The following LARGE1 variants were observed in gnomAD, a reference collection of about 807,000 sequenced individuals.
The protein encoded by LARGE1 is LARGE xylosyl- and glucuronyltransferase 1, also known as xylosyl- and glucuronyltransferase LARGE1.
In LARGE1, 43 loss-of-function variants were observed where a neutral mutation model predicts 87.6. The observed-to-expected ratio is 0.49, with a 90% CI of 0.38 to 0.63. The LOEUF (loss-of-function observed/expected upper bound fraction) is 0.63. Among genes scored for constraint, LARGE1 ranks in the 30% least tolerant of loss-of-function variants. LARGE1 has a pLI of 0.00. For missense variants in LARGE1, 802 were observed against 1,000.2 expected (o/e 0.80, Z 2.67); for synonymous variants, 434 against 394.6 (o/e 1.10, Z -1.18).
intron 13 of LARGE1, among the ~76,000 whole-genome samples, chr22:33,280,980 G>A (rs1250106284): frequency 2.6e-5 from 4 of 152,182 alleles, no homozygotes; most frequent in East Asian, 1.9e-4. Context: ...TGGAGCCACC[G>A]CCCTAGAGGA....
At chr22:33,518,457 T>C (rs910045601) in intron 6 of LARGE1, among the ~76,000 whole-genome samples, 7 of 152,240 alleles carry the variant, frequency 4.6e-5, no homozygotes, top group African/African-American at 1.7e-4. Flanking sequence ...TAAAGGCACA[T>C]GCCACCATGC....
chr22:33,106,775 C>T, the LARGE1 span, among the ~76,000 whole-genome samples: 13 of 152,304 alleles, frequency 8.5e-5, no homozygotes, highest in Middle Eastern at 0.01. Flanking sequence ...GGATTACAGG[C>T]GTGAGCCACT....
chr22:33,355,352 CT>C (rs544351746), intron 9 of LARGE1, among the ~76,000 whole-genome samples: 171 of 152,298 alleles, frequency 1.1e-3, no homozygotes, highest in African/African-American at 4.0e-3. Flanking sequence ...TTATGATGAA[CT>C]TGTCTCTATA....
intron 3 of LARGE1, among the ~76,000 whole-genome samples, chr22:33,630,161 T>G (rs896143561): frequency 2.0e-5 from 3 of 151,868 alleles, no homozygotes; most frequent in African/African-American, 7.3e-5. Flanking sequence ...ATCTCGCCAT[T>G]GCACTCCAGC....
chr22:33,244,783 G>A (rs1016697783), intron 11 of LARGE1, among the ~76,000 whole-genome samples: 13 of 152,120 alleles, frequency 8.5e-5, no homozygotes, highest in African/African-American at 2.9e-4. Context: ...TTGAAGTGGC[G>A]GAGCTCTTAG....
chr22:33,351,110 A>G (rs979310764), intron 9 of LARGE1, among the ~76,000 whole-genome samples: 2 of 152,252 alleles, frequency 1.3e-5, no homozygotes, highest in African/African-American at 2.4e-5. Flanking sequence ...TAAGTTCAAG[A>G]AGAGCAAAGG....
chr22:33,334,493 G>A (rs1938191145), intron 10 of LARGE1, among the ~76,000 whole-genome samples: 1 of 151,992 alleles, frequency 6.6e-6, no homozygotes, highest in Admixed American at 6.6e-5. Flanking sequence ...ATTACTTTGT[G>A]TGGGGGTAGG....
At chr22:33,507,305 T>C (rs2070813192) in intron 6 of LARGE1, among the ~76,000 whole-genome samples, 1 of 152,128 alleles carries the variant, frequency 6.6e-6, no homozygotes, top group Non-Finnish European at 1.5e-5. Flanking sequence ...GAGTTAATCC[T>C]AGAGAGGGGC....
Position 33,729,917 on chromosome 22 carries a change from T to A in LARGE1, c.106+31454A>T, listed in dbSNP as rs150010141. Among the ~76,000 whole-genome samples the A allele has an allele frequency of 1.2e-3, 185 of 152,314 alleles. 1 individual carries two copies. Among genetic ancestry groups the A allele is most frequent in the African/African-American group, 4.3e-3 (177 of 41,562 alleles). Reference sequence around the variant, plus strand: ...ACCTATAAGATGCCAGGCATGAGTCTCATTGTTGGGGTATGGAAATGACAG... The same window carrying A: ...ACCTATAAGATGCCAGGCATGAGTCACATTGTTGGGGTATGGAAATGACAG... On this transcript the variant is annotated intron_variant, in intron 2 of 14. Transcript: ENST00000397394.
intron 6 of LARGE1, among the ~76,000 whole-genome samples, chr22:33,532,045 G>C (rs1471273320): frequency 6.6e-6 from 1 of 152,194 alleles, no homozygotes; most frequent in Non-Finnish European, 1.5e-5. Flanking sequence ...TGCCGTAGTG[G>C]TGCACCACTC....
At chr22:33,089,371 C>CTTCTCCTT in the LARGE1 span, among the ~76,000 whole-genome samples, 5 of 76,048 alleles carry the variant, frequency 6.6e-5, no homozygotes, top group South Asian at 4.9e-4. Context: ...TTCTTCTTCT[C>CTTCTCCTT]CTTCTTCTTC....
downstream of LARGE1, among the ~76,000 whole-genome samples, chr22:33,270,088 C>A (rs930452746): frequency 2.0e-5 from 3 of 151,920 alleles, no homozygotes; most frequent in Admixed American, 2.0e-4. Context: ...AGAAACCCCA[C>A]ATTTTTGTGG....
chr22:33,837,279 C>CACACACACACACACACAT (rs1491397964), intron 1 of LARGE1, among the ~76,000 whole-genome samples: 8 of 151,518 alleles, frequency 5.3e-5, no homozygotes, highest in African/African-American at 1.7e-4. Context: ...CACACACACA[C>CACACACACACACACACAT]ACCTATACAT....
the LARGE1 span, among the ~76,000 whole-genome samples, chr22:33,134,735 C>T: frequency 6.6e-6 from 1 of 152,146 alleles, no homozygotes. Flanking sequence ...TTTAAAATGC[C>T]CCTCTCCTTT....
At chr22:33,480,733 CACTT>C (rs549856955) in intron 6 of LARGE1, among the ~76,000 whole-genome samples, 220 of 152,198 alleles carry the variant, frequency 1.4e-3, no homozygotes, top group African/African-American at 5.0e-3. Context: ...GCAATCTTAT[CACTT>C]AGAGATAATT....
intron 6 of LARGE1, among the ~76,000 whole-genome samples, chr22:33,519,998 CTTTTTTTTTTTT>C (rs397868082): frequency 1.1e-4 from 11 of 97,254 alleles, no homozygotes; most frequent in Admixed American, 4.5e-4. Flanking sequence ...TGGTTTTTCT[CTTTTTTTTTTTT>C]TTTTTTTTTT....
At chr22:33,598,194 A>G (rs1024382335) in intron 5 of LARGE1, among the ~76,000 whole-genome samples, 5 of 152,180 alleles carry the variant, frequency 3.3e-5, no homozygotes, top group African/African-American at 1.2e-4. Context: ...GGAGTCAGAC[A>G]GTTCTGGATA....
At chr22:33,635,041 C>G (rs186399466) in intron 3 of LARGE1, among the ~76,000 whole-genome samples, 202 of 152,030 alleles carry the variant, frequency 1.3e-3, no homozygotes, top group African/African-American at 4.7e-3. Flanking sequence ...TCACTTGAAC[C>G]CGGGAGGTGG....
At chr22:33,181,771 GC>G (rs1328619389) in intron 11 of LARGE1, among the ~76,000 whole-genome samples, 4 of 148,334 alleles carry the variant, frequency 2.7e-5, no homozygotes, top group Non-Finnish European at 5.9e-5. Flanking sequence ...CTCGTAATCC[GC>G]CCACATCGGC....
Sources: gnomAD v4.1 joint callset for allele counts (sites outside exome capture counted in the v4.1 genomes callset) on GRCh38, gnomAD v4.1.1 for gene constraint, MANE v1.5 for transcripts, NCBI Gene and HGNC (gene_info 2026-07-23, HGNC 2026-07-21) for gene names.